NCAM1: variants seen among roughly 807,000 people sequenced by gnomAD.
NCAM1 encodes antigen recognized by monoclonal antibody 5.1H11.
NCAM1 carries 14 observed loss-of-function variants against 109.8 expected under a neutral mutation model. The observed-to-expected ratio is 0.13, with a 90% CI of 0.08 to 0.20. NCAM1 has a LOEUF of 0.20. Ranked by LOEUF, NCAM1 falls within the 10% of genes least tolerant of loss-of-function variation. The probability of loss-of-function intolerance (pLI) is 1.00; values close to 1 mark genes in which losing one functional copy is unlikely to be tolerated. For synonymous variants in NCAM1, 418 were observed against 442.9 expected (o/e 0.94, Z 0.70); for missense variants, 774 against 1,109.9 (o/e 0.70, Z 4.30).
rs115859060 is a variant in NCAM1, at chr11:113,012,152, G to A, written c.52+50488G>A. ...TCATGCCTCAGCCTCCTGAGGAGCT[G>A]GGACTATAAGCGCGCACCTTCATGC... On this transcript the variant is annotated intron_variant, in intron 1 of 19. Coordinates refer to ENST00000316851, the MANE Select transcript of NCAM1 (RefSeq NM_181351.5). Among the ~76,000 whole-genome samples, 308 of 152,112 alleles carry A rather than the reference G, an allele frequency of 2.0e-3. 1 individual carries two copies. Among genetic ancestry groups the A allele is most frequent in the African/African-American group, 7.1e-3 (293 of 41,488 alleles).
At chr11:113,108,380 G>C (rs782392559) in intron 1 of NCAM1, among the ~76,000 whole-genome samples, 1 of 152,180 alleles carries the variant, frequency 6.6e-6, no homozygotes, top group Non-Finnish European at 1.5e-5. Context: ...AAAAAGACAA[G>C]AGATGCCAAA....
Position 113,206,200 on chromosome 11 carries a change from C to G in NCAM1, c.628+20C>G, listed in dbSNP as rs559320851. On this transcript the variant is annotated intron_variant, in intron 5 of 19. Transcript: ENST00000316851. ...TGAATGGTGAGGAGAGTCCGTTCTT[C>G]CTGATCTCTGCATTGCTACAACCTT... is the stretch of plus-strand genomic sequence containing the variant. 2.5e-6 allele frequency: 4 copies of G among 1,590,730 alleles called. No individual in the cohort carries two copies. In the East Asian group the frequency reaches 9.0e-5, roughly 36 times the overall value.
chr11:113,160,831 G>A (rs1380597818), intron 1 of NCAM1, among the ~76,000 whole-genome samples: 1 of 152,162 alleles, frequency 6.6e-6, no homozygotes, highest in Non-Finnish European at 1.5e-5. Flanking sequence ...GCCCAAGCTC[G>A]CTGGACTCTG....
chr11:113,111,727 A>G (rs1940453021), intron 1 of NCAM1, among the ~76,000 whole-genome samples: 1 of 152,166 alleles, frequency 6.6e-6, no homozygotes, highest in Non-Finnish European at 1.5e-5. Flanking sequence ...CCCTCCACAC[A>G]TTTTTCTATG....
chr11:113,057,173 T>C (rs1238277218), intron 1 of NCAM1, among the ~76,000 whole-genome samples: 1 of 152,128 alleles, frequency 6.6e-6, no homozygotes, highest in Non-Finnish European at 1.5e-5. Flanking sequence ...ATGTCAGGAA[T>C]GACTTCCTAG....
At chr11:113,239,918 T>C (rs675646) in intron 14 of NCAM1, among the ~76,000 whole-genome samples, 1 of 152,136 alleles carries the variant, frequency 6.6e-6, no homozygotes, top group Admixed American at 6.5e-5. Context: ...TTTTTCCAAA[T>C]TTTCATCTAG....
rs565026735 is a variant in NCAM1 at position 113,002,421 on chromosome 11, C to T, written c.52+40757C>T. 1.1e-4 allele frequency among the ~76,000 whole-genome samples: 17 copies of T among 152,198 alleles called. No homozygotes were observed. The South Asian group carries it at 2.3e-3, about 20-fold the overall frequency. ...AAAATTAGGTTGAATTGAGAACAGC[C>T]AATATCATAAATGTCTAAAATATTA... On this transcript the variant is annotated intron_variant, in intron 1 of 19. Transcript: ENST00000316851.
chr11:113,131,107 G>T (rs1941366080), intron 1 of NCAM1, among the ~76,000 whole-genome samples: 1 of 152,190 alleles, frequency 6.6e-6, no homozygotes, highest in Non-Finnish European at 1.5e-5. Context: ...TTCATATTTA[G>T]CTCTGAAGAG....
At chr11:113,256,202 A>T (rs1244123052) in intron 16 of NCAM1, among the ~76,000 whole-genome samples, 3 of 152,202 alleles carry the variant, frequency 2.0e-5, no homozygotes, top group Admixed American at 1.3e-4. Flanking sequence ...CACTGGGTCC[A>T]TTTGGAAACC....
At chr11:112,969,455 C>T (rs529751762) in intron 1 of NCAM1, among the ~76,000 whole-genome samples, 1 of 152,206 alleles carries the variant, frequency 6.6e-6, no homozygotes, top group African/African-American at 2.4e-5. Context: ...CCTGTGGCTT[C>T]TGGACTGAGT....
chr11:113,174,308 A>G (rs1464251780), intron 1 of NCAM1, among the ~76,000 whole-genome samples: 2 of 152,228 alleles, frequency 1.3e-5, no homozygotes, highest in Admixed American at 1.3e-4. Flanking sequence ...TTTCTCTTTC[A>G]GAGATAAGAC....
chr11:113,174,750 G>A (rs1555106750), intron 1 of NCAM1, among the ~76,000 whole-genome samples: 1 of 152,186 alleles, frequency 6.6e-6, no homozygotes, highest in Non-Finnish European at 1.5e-5. Context: ...TATCCCTGAG[G>A]CTAAGAAAGA....
chr11:113,041,557 T>C (rs1235464170), intron 1 of NCAM1, among the ~76,000 whole-genome samples: 1 of 152,258 alleles, frequency 6.6e-6, no homozygotes. Flanking sequence ...TTCAGATTTA[T>C]TTTGACAACT....
At chr11:113,076,938 AT>A (rs1938554181) in intron 1 of NCAM1, among the ~76,000 whole-genome samples, 1 of 152,244 alleles carries the variant, frequency 6.6e-6, no homozygotes, top group South Asian at 2.1e-4. Flanking sequence ...ATATGATTCA[AT>A]TTGATTGTGA....
chr11:113,263,951 G>A, intron 17 of NCAM1: 1 of 985,488 alleles, frequency 1.0e-6, no homozygotes, highest in Non-Finnish European at 1.2e-6. Context: ...CTGTATTGGT[G>A]CGTTGGTTCA....
intron 1 of NCAM1, among the ~76,000 whole-genome samples, chr11:113,046,705 A>C (rs1249127948): frequency 6.6e-6 from 1 of 152,204 alleles, no homozygotes; most frequent in Non-Finnish European, 1.5e-5. Context: ...AAGACAGATG[A>C]ACAGGAAGAA....
intron 11 of NCAM1, 140 bp downstream of exon 11, chr11:113,232,494 GC>G: frequency 1.0e-6 from 1 of 975,052 alleles, no homozygotes; most frequent in Non-Finnish European, 1.5e-6. Flanking sequence ...AAGACACTGA[GC>G]CTCTTTTCAG....
rs376670762 is a variant in NCAM1 at position 112,978,015 on chromosome 11, C to G, written c.52+16351C>G. On this transcript the variant is annotated intron_variant, in intron 1 of 19. Transcript: ENST00000316851. The stretch of plus-strand genomic sequence containing the variant: ...TTGTGGAAGAAGAGTCCCTTTTGGC[C>G]ACTGCATTGCATGTGGTGCAATCCC... Among the ~76,000 whole-genome samples, 3 of 151,880 alleles carry G rather than the reference C, an allele frequency of 2.0e-5. No individual in the cohort carries two copies. In the South Asian group the frequency reaches 6.2e-4, roughly 31 times the overall value.
At chr11:113,139,477 T>C (rs17114979) in intron 1 of NCAM1, among the ~76,000 whole-genome samples, 18,187 of 152,144 alleles carry the variant, frequency 0.12, 1,717 homozygotes, top group East Asian at 0.24. Context: ...TAAGGAATTA[T>C]TCTTTTTCGT....
Sources: allele counts gnomAD v4.1 joint callset (sites outside exome capture counted in the v4.1 genomes callset), GRCh38; gene constraint gnomAD v4.1.1; transcripts MANE v1.5; gene names NCBI Gene and HGNC (gene_info 2026-07-23, HGNC 2026-07-21).